The following N4BP2 variants were observed in gnomAD, a reference collection of about 807,000 sequenced individuals.
N4BP2 encodes the protein NEDD4 binding protein 2.
A neutral mutation model predicts 152.8 loss-of-function variants in N4BP2; 91 were observed. The ratio of observed to expected loss-of-function variants is 0.60; its 90% CI spans 0.50 to 0.71. N4BP2 has a LOEUF of 0.71. Ranked by LOEUF, N4BP2 falls within the 30% of genes least tolerant of loss-of-function variation. The probability of loss-of-function intolerance (pLI) is 0.00; values close to 1 mark genes in which losing one functional copy is unlikely to be tolerated. For synonymous variants in N4BP2, 646 were observed against 705.3 expected, an observed-to-expected ratio of 0.92 and a Z score of 1.33; for missense variants, 1,923 against 2,059.1, an observed-to-expected ratio of 0.93 and a Z score of 1.28.
At chr4:40,094,995 C>T (rs774019699) in intron 2 of N4BP2, among the ~76,000 whole-genome samples, 4 of 152,042 alleles carry the variant, frequency 2.6e-5, no homozygotes, top group Non-Finnish European at 2.9e-5. Context: ...CCAGGTTGGT[C>T]TCAAACTCCT....
intron 2 of N4BP2, 120 bp from the exon 3 acceptor site, chr4:40,097,107 A>G: frequency 2.3e-6 from 1 of 431,098 alleles, no homozygotes; most frequent in Non-Finnish European, 4.1e-6. Context: ...GAAATTGACT[A>G]CTTTTTAGCT....
intron 11 of N4BP2, among the ~76,000 whole-genome samples, 190 bp from the exon 12 acceptor site, chr4:40,125,944 A>C (rs1718360852): frequency 1.3e-5 from 2 of 152,058 alleles, no homozygotes; most frequent in Admixed American, 1.3e-4. Flanking sequence ...ATATTGCTAC[A>C]TTAACACATA....
intron 14 of N4BP2, among the ~76,000 whole-genome samples, chr4:40,141,492 G>A (rs868364747): frequency 1.7e-4 from 25 of 148,442 alleles, no homozygotes; most frequent in African/African-American, 5.9e-4. Flanking sequence ...GACGATGGGC[G>A]GCCGGGCAGA....
At chr4:40,150,256 A>T (rs1721024946) in intron 16 of N4BP2, among the ~76,000 whole-genome samples, 1 of 152,254 alleles carries the variant, frequency 6.6e-6, no homozygotes, top group Admixed American at 6.5e-5. Flanking sequence ...CCTCCAAATC[A>T]AACTAGGAGC....
intron 11 of N4BP2, among the ~76,000 whole-genome samples, chr4:40,124,471 C>A (rs1282792795): frequency 1.3e-5 from 2 of 151,990 alleles, no homozygotes; most frequent in Non-Finnish European, 2.9e-5. Context: ...CTCAGCCTCC[C>A]AAGTAGCTGG....
the N4BP2 span, among the ~76,000 whole-genome samples, chr4:40,180,889 C>T: frequency 6.6e-6 from 1 of 152,148 alleles, no homozygotes; most frequent in Non-Finnish European, 1.5e-5. Flanking sequence ...CGGTGGCTCA[C>T]ACCTGTAATC....
Position 40,126,202 on chromosome 4 carries a change from A to C in N4BP2, c.4399A>C (p.Lys1467Gln). 1 of 1,609,478 alleles carries C rather than the reference A, an allele frequency of 6.2e-7. No homozygotes were observed. Among genetic ancestry groups the C allele is most frequent in the Non-Finnish European group, 8.5e-7 (1 of 1,178,498 alleles). The change falls in exon 12 of 18, where the codon AAA becomes CAA. Residue 1467 changes from lysine to glutamine, a missense_variant. Transcript: ENST00000261435. Reference protein sequence around the residue: ...EQKSSQRTGKKLLKTLTASEM... With the variant: ...EQKSSQRTGKQLLKTLTASEM... ...AAAATCATCTCAGAGAACAGGCAAA[A>C]AATTACTGAAGACTTTAACAGCATC...
Position 40,073,522 on chromosome 4 carries a change from C to A in N4BP2, c.-144C>A, listed in dbSNP as rs1712418332. On this transcript the variant is annotated 5_prime_UTR_variant, in exon 2 of 18. Coordinates refer to ENST00000261435, the MANE Select transcript of N4BP2 (RefSeq NM_018177.6). ...ATATATCAACTGTGGCCTTAATGAGCATGTTGACAGCATCGATGCTAGACA... is the reference window on the plus strand; with the variant it reads ...ATATATCAACTGTGGCCTTAATGAGAATGTTGACAGCATCGATGCTAGACA... 1 of 151,810 alleles carries A rather than the reference C, an allele frequency of 6.6e-6. No individual in the cohort carries two copies. Among genetic ancestry groups the A allele is most frequent in the African/African-American group, 2.4e-5 (1 of 41,312 alleles). 9.4% of individuals were successfully genotyped at this position (151,810 alleles called of 1,614,324 possible).
chr4:40,134,454 A>G (rs1278708177), intron 13 of N4BP2, among the ~76,000 whole-genome samples: 1 of 152,096 alleles, frequency 6.6e-6, no homozygotes, highest in East Asian at 1.9e-4. Flanking sequence ...GATTGCCTCC[A>G]TTTGTCTGCC....
chr4:40,085,186 C>G (rs943046891), intron 2 of N4BP2, among the ~76,000 whole-genome samples: 1 of 152,138 alleles, frequency 6.6e-6, no homozygotes, highest in African/African-American at 2.4e-5. Flanking sequence ...GCTGGGATTA[C>G]AAGCGTGAGC....
At chr4:40,057,406 T>TG (rs1476245101) in intron 1 of N4BP2, among the ~76,000 whole-genome samples, 2 of 152,222 alleles carry the variant, frequency 1.3e-5, no homozygotes, top group Non-Finnish European at 2.9e-5. Context: ...GACCTGACCT[T>TG]GCGCCCCTCC....
the N4BP2 span, among the ~76,000 whole-genome samples, chr4:40,171,299 G>T: frequency 6.6e-6 from 1 of 152,210 alleles, no homozygotes; most frequent in Non-Finnish European, 1.5e-5. Context: ...TCTAGGAGAA[G>T]GCTGCCAATA....
chr4:40,177,895 T>C, the N4BP2 span, among the ~76,000 whole-genome samples: 9,488 of 152,262 alleles, frequency 0.062, 333 homozygotes, highest in Middle Eastern at 0.082. Context: ...ATGGGTTCAC[T>C]CTGTCCTTTG....
intron 2 of N4BP2, among the ~76,000 whole-genome samples, chr4:40,089,832 G>A (rs1714359336): frequency 6.6e-6 from 1 of 152,182 alleles, no homozygotes; most frequent in Non-Finnish European, 1.5e-5. Context: ...CCCACAAGGA[G>A]AGATTTTCCC....
At chr4:40,175,828 G>C in the N4BP2 span, among the ~76,000 whole-genome samples, 1 of 123,424 alleles carries the variant, frequency 8.1e-6, no homozygotes, top group African/African-American at 3.3e-5. Flanking sequence ...AAAAAAAAAA[G>C]GCCTGTATTC....
intron 15 of N4BP2, among the ~76,000 whole-genome samples, chr4:40,143,395 C>T (rs1023733755): frequency 2.2e-4 from 33 of 152,070 alleles, no homozygotes; most frequent in Admixed American, 2.2e-3. Context: ...CTAACTGCAG[C>T]CTTGACCTCC....
intron 2 of N4BP2, among the ~76,000 whole-genome samples, chr4:40,076,138 T>C (rs1482998335): frequency 1.3e-5 from 2 of 152,216 alleles, no homozygotes; most frequent in African/African-American, 4.8e-5. Context: ...GATAGATATA[T>C]TTAAAGATGA....
At chr4:40,114,819 G>A (rs754582458) in intron 7 of N4BP2, among the ~76,000 whole-genome samples, 6 of 152,144 alleles carry the variant, frequency 3.9e-5, no homozygotes, top group Non-Finnish European at 8.8e-5. Context: ...TTCTTTGTGA[G>A]AATGTTTAGT....
chr4:40,091,157 T>C (rs1714502782), intron 2 of N4BP2, among the ~76,000 whole-genome samples: 1 of 152,022 alleles, frequency 6.6e-6, no homozygotes, highest in Non-Finnish European at 1.5e-5. Context: ...GGAGATTTTA[T>C]AGATTATTTG....
Sources: allele counts gnomAD v4.1 joint callset (sites outside exome capture counted in the v4.1 genomes callset), GRCh38; gene constraint gnomAD v4.1.1; transcripts MANE v1.5; gene names NCBI Gene and HGNC (gene_info 2026-07-23, HGNC 2026-07-21).